Variants in KCNQ3 observed in about 807,000 individuals in gnomAD.
KCNQ3 encodes the protein potassium voltage-gated channel subfamily Q member 3, also known as potassium voltage-gated channel subfamily KQT member 3.
In KCNQ3, 30 loss-of-function variants were observed where a neutral mutation model predicts 92.5. That is an observed-to-expected ratio of 0.32 (90% CI 0.24 to 0.44). KCNQ3 has a LOEUF of 0.44. Ranked by LOEUF, KCNQ3 falls within the 20% of genes least tolerant of loss-of-function variation. The pLI is 1.00. For synonymous variants in KCNQ3, 450 were observed against 468.8 expected, an observed-to-expected ratio of 0.96 and a Z score of 0.52; for missense variants, 913 against 1,140.3, an observed-to-expected ratio of 0.80 and a Z score of 2.87.
intron 1 of KCNQ3, among the ~76,000 whole-genome samples, chr8:132,282,099 C>T (rs1816539662): frequency 6.6e-6 from 1 of 152,114 alleles, no homozygotes; most frequent in Admixed American, 6.5e-5. Flanking sequence ...CATCCTATAC[C>T]CAAAGCACCC....
intron 1 of KCNQ3, among the ~76,000 whole-genome samples, chr8:132,253,594 G>A (rs1176686223): frequency 2.0e-5 from 3 of 152,178 alleles, no homozygotes; most frequent in Non-Finnish European, 4.4e-5. Context: ...TGGCCCTCAA[G>A]CACATGTGTT....
intron 9 of KCNQ3, among the ~76,000 whole-genome samples, chr8:132,155,578 A>T (rs1825776633): frequency 6.6e-6 from 1 of 152,216 alleles, no homozygotes; most frequent in Non-Finnish European, 1.5e-5. Flanking sequence ...TAGATGAGGA[A>T]ACTGAAGCAC....
At chr8:132,246,295 A>G (rs1278717553) in intron 1 of KCNQ3, among the ~76,000 whole-genome samples, 2 of 152,258 alleles carry the variant, frequency 1.3e-5, no homozygotes, top group Non-Finnish European at 2.9e-5. Context: ...GATATTTCCA[A>G]TAAACCATTT....
At chr8:132,339,028 C>T (rs1224095527) in intron 1 of KCNQ3, among the ~76,000 whole-genome samples, 1 of 152,158 alleles carries the variant, frequency 6.6e-6, no homozygotes, top group Non-Finnish European at 1.5e-5. Context: ...TGAAAACTTC[C>T]TCTTCCCGCA....
rs1816550413 is a variant in KCNQ3, at chr8:132,282,416, T to G, written c.387-96235A>C. Among the ~76,000 whole-genome samples the G allele has an allele frequency of 1.3e-5, 2 of 152,140 alleles. 1 individual carries two copies. The highest frequency in any genetic ancestry group is 2.9e-5 in the Non-Finnish European group (2 of 68,032). On this transcript the variant is annotated intron_variant, in intron 1 of 14. Transcript: ENST00000388996. ...GAGTAGCCCACCATATTGTTCCCAGTCCCATCTGTCCCCCTTGCTAAGTTT... is the reference window on the plus strand; with the variant it reads ...GAGTAGCCCACCATATTGTTCCCAGGCCCATCTGTCCCCCTTGCTAAGTTT...
chr8:132,394,045 T>C (rs1472850671), intron 1 of KCNQ3, among the ~76,000 whole-genome samples: 1 of 152,152 alleles, frequency 6.6e-6, no homozygotes, highest in Admixed American at 6.5e-5. Flanking sequence ...ACAACAGAGC[T>C]ACGGAAACAG....
intron 1 of KCNQ3, among the ~76,000 whole-genome samples, chr8:132,271,011 G>A (rs1444426514): frequency 1.3e-5 from 2 of 152,174 alleles, no homozygotes; most frequent in African/African-American, 2.4e-5. Flanking sequence ...AAAAGACAAG[G>A]AGGAGTGATG....
chr8:132,181,955 G>A (rs1424825036), intron 3 of KCNQ3, among the ~76,000 whole-genome samples: 1 of 151,524 alleles, frequency 6.6e-6, no homozygotes, highest in African/African-American at 2.4e-5. Context: ...TGAGGCAGGA[G>A]AATGGCGTGA....
At chr8:132,330,244 C>T (rs991598592) in intron 1 of KCNQ3, among the ~76,000 whole-genome samples, 2 of 152,146 alleles carry the variant, frequency 1.3e-5, no homozygotes, top group African/African-American at 4.8e-5. Context: ...CCATAGAGCT[C>T]CCAGAGTGGA....
At chr8:132,180,027 C>T (rs2130155412) in intron 4 of KCNQ3, 130 bp downstream of exon 4, 1 of 1,052,868 alleles carries the variant, frequency 9.5e-7, no homozygotes, top group African/African-American at 1.6e-5. Context: ...CCTCCTCTTC[C>T]TCTTTGTCGT....
intron 1 of KCNQ3, among the ~76,000 whole-genome samples, chr8:132,239,545 T>C (rs953594126): frequency 5.3e-5 from 8 of 152,316 alleles, no homozygotes; most frequent in African/African-American, 1.9e-4. Context: ...CAGGAAGCCT[T>C]GTATGTTAAC....
chr8:132,265,470 C>T (rs1815950911), intron 1 of KCNQ3, among the ~76,000 whole-genome samples: 1 of 152,194 alleles, frequency 6.6e-6, no homozygotes, highest in Non-Finnish European at 1.5e-5. Flanking sequence ...TTCACAGAAC[C>T]CACTGCTTCT....
intron 1 of KCNQ3, among the ~76,000 whole-genome samples, chr8:132,298,448 C>A (rs1017281653): frequency 5.9e-5 from 9 of 152,072 alleles, no homozygotes; most frequent in Non-Finnish European, 8.8e-5. Flanking sequence ...ATGTACCAGG[C>A]AAAAGGAACT....
intron 8 of KCNQ3, among the ~76,000 whole-genome samples, chr8:132,167,787 TATA>T (rs1263936958): frequency 6.6e-6 from 1 of 152,244 alleles, no homozygotes; most frequent in African/African-American, 2.4e-5. Flanking sequence ...ATGCCTTATT[TATA>T]ATACATCAAC....
chr8:132,275,890 C>T (rs1298200441), intron 1 of KCNQ3, among the ~76,000 whole-genome samples: 1 of 151,734 alleles, frequency 6.6e-6, no homozygotes. Flanking sequence ...CAACCTTCTA[C>T]ATGTGCACTC....
chr8:132,140,666 T>G (rs1825262979), intron 10 of KCNQ3: 4 of 251,518 alleles, frequency 1.6e-5, no homozygotes, highest in Admixed American at 1.0e-4. Flanking sequence ...GCTCAGACAC[T>G]GAGGAAACAG....
At chr8:132,376,211 T>C in intron 1 of KCNQ3, among the ~76,000 whole-genome samples, 1 of 152,222 alleles carries the variant, frequency 6.6e-6, no homozygotes, top group Admixed American at 6.5e-5. Flanking sequence ...ATTATTATAT[T>C]TCTAAAATCA....
chr8:132,396,939 TGTGTGTGTGC>T (rs1216973424), intron 1 of KCNQ3, among the ~76,000 whole-genome samples: 2 of 141,410 alleles, frequency 1.4e-5, no homozygotes, highest in Admixed American at 6.9e-5. Flanking sequence ...GGATAAAAAT[TGTGTGTGTGC>T]GTGTGTGTGT....
chr8:132,443,783 G>A (rs1821600569), intron 1 of KCNQ3, among the ~76,000 whole-genome samples: 1 of 144,460 alleles, frequency 6.9e-6, no homozygotes, highest in African/African-American at 2.6e-5. Flanking sequence ...AGTTCCAGGA[G>A]CCCTGAGTTC....
Sources: gnomAD v4.1 joint callset for allele counts (sites outside exome capture counted in the v4.1 genomes callset) on GRCh38, gnomAD v4.1.1 for gene constraint, MANE v1.5 for transcripts, NCBI Gene and HGNC (gene_info 2026-07-23, HGNC 2026-07-21) for gene names.